TEX11: variants seen among roughly 807,000 people sequenced by gnomAD.
The protein encoded by TEX11 is testis-expressed protein 11.
Under a neutral mutation model 84.4 loss-of-function variants are expected in TEX11, and 7 were observed. The observed-to-expected ratio is 0.08, with a 90% confidence interval of 0.05 to 0.16. The LOEUF is 0.16. Among genes scored for constraint, TEX11 ranks in the 10% least tolerant of loss-of-function variants. The probability of loss-of-function intolerance (pLI) is 1.00; values close to 1 mark genes in which losing one functional copy is unlikely to be tolerated. For synonymous variants in TEX11, 264 were observed against 222.8 expected (o/e 1.18, Z -1.64); for missense variants, 551 against 660.5 (o/e 0.83, Z 1.82).
chrX:70,779,630 G>T (rs1602120847), intron 9 of TEX11, among the ~76,000 whole-genome samples: 1 of 110,095 alleles, frequency 9.1e-6, no homozygotes, highest in African/African-American at 3.3e-5. Context: ...TTTCTAAAAG[G>T]ATAAAATTGT....
At chrX:70,839,023 T>A (rs2091423996) in intron 7 of TEX11, among the ~76,000 whole-genome samples, 1 of 112,363 alleles carries the variant, frequency 8.9e-6, no homozygotes, top group Non-Finnish European at 1.9e-5. Flanking sequence ...CCACCACAGC[T>A]CAAGGAGGCC....
At chrX:70,744,089 C>T (rs1234502599) in intron 10 of TEX11, 76 bp downstream of exon 10, 94 of 576,938 alleles carry the variant, frequency 1.6e-4, no homozygotes, top group South Asian at 4.2e-4. Flanking sequence ...ATGGGGAGTA[C>T]GCTATTATAA....
chrX:70,561,388 C>T (rs866544418), intron 25 of TEX11, among the ~76,000 whole-genome samples: 41 of 78,927 alleles, frequency 5.2e-4, no homozygotes, highest in African/African-American at 1.9e-3. Flanking sequence ...TATCAATTTA[C>T]TTTTTTTTTT....
At chrX:70,735,237 A>C (rs2090686766) in intron 11 of TEX11, among the ~76,000 whole-genome samples, 1 of 110,864 alleles carries the variant, frequency 9.0e-6, no homozygotes, top group Non-Finnish European at 1.9e-5. Flanking sequence ...TTTTTAGTAG[A>C]GATGGGGTTT....
At chrX:70,828,939 T>G (rs2091361262) in intron 8 of TEX11, among the ~76,000 whole-genome samples, 1 of 111,351 alleles carries the variant, frequency 9.0e-6, no homozygotes, top group African/African-American at 3.3e-5. Context: ...AAGAGAGGCA[T>G]GACATATTTA....
chrX:70,543,099 G>A (rs566454268), intron 28 of TEX11, among the ~76,000 whole-genome samples: 5 of 111,104 alleles, frequency 4.5e-5, no homozygotes, highest in Admixed American at 1.9e-4. Context: ...GGAGAATGGC[G>A]TGAACCTGGG....
chrX:70,687,141 A>G (rs1014182253), intron 13 of TEX11, among the ~76,000 whole-genome samples: 1 of 111,266 alleles, frequency 9.0e-6, no homozygotes, highest in Non-Finnish European at 1.9e-5. Flanking sequence ...TATTTAACCC[A>G]TCTTTCCACC....
At chrX:70,528,481 C>T, downstream of TEX11, among the ~76,000 whole-genome samples, 1 of 97,605 alleles carries the variant, frequency 1.0e-5, no homozygotes, top group Middle Eastern at 5.5e-3. Context: ...CCATGCCTGG[C>T]TATTTTTTTT....
intron 28 of TEX11, among the ~76,000 whole-genome samples, chrX:70,540,389 C>G (rs1163280651): frequency 3.6e-5 from 4 of 111,797 alleles, no homozygotes; most frequent in Non-Finnish European, 5.6e-5. Context: ...TCTCCAGAAC[C>G]AGTTTCATCT....
At chrX:70,722,784 A>C (rs1325493983) in intron 12 of TEX11, 88 bp from the exon 13 acceptor site, 1 of 727,087 alleles carries the variant, frequency 1.4e-6, no homozygotes, top group Non-Finnish European at 2.0e-6. Flanking sequence ...TTCAAAATCT[A>C]CTTACTAAAT....
intron 9 of TEX11, among the ~76,000 whole-genome samples, chrX:70,748,151 A>G (rs2090781873): frequency 9.0e-6 from 1 of 111,536 alleles, no homozygotes; most frequent in African/African-American, 3.3e-5. Flanking sequence ...AAAGAAAGAA[A>G]AGGACAAATA....
chrX:70,710,933 C>G (rs1332992201), intron 13 of TEX11, among the ~76,000 whole-genome samples: 1 of 109,022 alleles, frequency 9.2e-6, no homozygotes, highest in Non-Finnish European at 1.9e-5. Flanking sequence ...TGCTATCCCT[C>G]CCCACTCCCC....
In TEX11 at chrX:70,775,677, G is replaced by A. The variant is rs185305770; in HGVS notation, c.692+31028C>T. On this transcript the variant is annotated intron_variant, in intron 9 of 29. Coordinates refer to ENST00000374333, the MANE Select transcript of TEX11 (RefSeq NM_031276.3). ...TAGCTGGGTGTGGTGATGCACGCCT[G>A]TGATCCCAGCTACTCAGGAGGCTGA... 2.8e-5 allele frequency among the ~76,000 whole-genome samples: 3 copies of A among 108,064 alleles called. No individual in the cohort carries two copies. The East Asian group carries it at 8.8e-4, about 32-fold the overall frequency. 93.8% of individuals were successfully genotyped at this position (108,064 alleles called of 115,157 possible).
chrX:70,554,095 G>T (rs1032467057), intron 26 of TEX11, among the ~76,000 whole-genome samples: 1 of 111,589 alleles, frequency 9.0e-6, no homozygotes, highest in African/African-American at 3.3e-5. Flanking sequence ...AGATAAAAAG[G>T]GAAGATAATT....
chrX:70,842,458 A>G (rs748801377), intron 7 of TEX11, among the ~76,000 whole-genome samples: 2 of 111,934 alleles, frequency 1.8e-5, no homozygotes, highest in African/African-American at 6.5e-5. Flanking sequence ...CTCTCAATAA[A>G]TTAGGTATTC....
chrX:70,616,305 T>C (rs2089317177), intron 20 of TEX11, among the ~76,000 whole-genome samples: 1 of 111,931 alleles, frequency 8.9e-6, no homozygotes, highest in African/African-American at 3.2e-5. Flanking sequence ...AGTTAAGCTG[T>C]AGAATTTGTA....
chrX:70,827,722 A>T (rs2091354923), intron 8 of TEX11, among the ~76,000 whole-genome samples: 1 of 112,000 alleles, frequency 8.9e-6, no homozygotes, highest in Non-Finnish European at 1.9e-5. Flanking sequence ...CTGCAGTAGA[A>T]TAAAACAGGT....
At chrX:70,590,863 C>T (rs1379951847) in intron 25 of TEX11, among the ~76,000 whole-genome samples, 1 of 111,443 alleles carries the variant, frequency 9.0e-6, no homozygotes, top group Non-Finnish European at 1.9e-5. Flanking sequence ...TTCAAGGATG[C>T]CTCAGCCTCC....
At chrX:70,748,555 T>G (rs1248820758) in intron 9 of TEX11, among the ~76,000 whole-genome samples, 1 of 110,786 alleles carries the variant, frequency 9.0e-6, no homozygotes, top group Non-Finnish European at 1.9e-5. Context: ...TGGTTTTAGG[T>G]CTAACATTTA....
Sources: allele counts gnomAD v4.1 joint callset (sites outside exome capture counted in the v4.1 genomes callset), GRCh38; gene constraint gnomAD v4.1.1; transcripts MANE v1.5; gene names NCBI Gene and HGNC (gene_info 2026-07-23, HGNC 2026-07-21).